The following TBC1D1 variants were observed in gnomAD, a reference collection of about 807,000 sequenced individuals.
TBC1D1 encodes TBC1 (tre-2/USP6, BUB2, cdc16) domain family, member 1.
A neutral mutation model predicts 125.6 loss-of-function variants in TBC1D1; 89 were observed. The ratio of observed to expected loss-of-function variants is 0.71; its 90% CI spans 0.60 to 0.85. TBC1D1 has a LOEUF of 0.85. TBC1D1 is among the 40% of genes least tolerant of loss of function. The probability of loss-of-function intolerance (pLI) is 0.00; values close to 1 mark genes in which losing one functional copy is unlikely to be tolerated. For missense variants in TBC1D1, 1,377 were observed against 1,469.2 expected (o/e 0.94, Z 1.03); for synonymous variants, 565 against 564.1 (o/e 1.00, Z -0.02).
At chr4:38,095,884 A>G (rs1180986125) in intron 13 of TBC1D1, 45 bp from the exon 16 acceptor site, 2 of 1,548,110 alleles carry the variant, frequency 1.3e-6, no homozygotes, top group Non-Finnish European at 1.7e-6. Flanking sequence ...TGGAAATTCC[A>G]TAGCTGTAGC....
chr4:37,902,635 G>T, intron 2 of TBC1D1, 123 bp downstream of exon 2: 1 of 792,694 alleles, frequency 1.3e-6, no homozygotes, highest in South Asian at 2.4e-5. Context: ...GTTATAAATT[G>T]ATTACTTAGC....
At chr4:38,093,942 A>G (rs1758885662) in intron 13 of TBC1D1, among the ~76,000 whole-genome samples, 1 of 152,220 alleles carries the variant, frequency 6.6e-6, no homozygotes, top group South Asian at 2.1e-4. Context: ...AGTTGAGCTA[A>G]TCCATGTAAC....
chr4:38,050,316 CAG>C (rs1317194065), intron 11 of TBC1D1, among the ~76,000 whole-genome samples: 1 of 152,178 alleles, frequency 6.6e-6, no homozygotes, highest in Non-Finnish European at 1.5e-5. Flanking sequence ...CATAGGGTGA[CAG>C]GGGTGCTTCA....
At chr4:38,126,842 C>G (rs1183428293) in intron 18 of TBC1D1, among the ~76,000 whole-genome samples, 15 of 152,162 alleles carry the variant, frequency 9.9e-5, no homozygotes, top group Non-Finnish European at 1.8e-4. Context: ...AAGTCCCTCC[C>G]ACCTCAAAGT....
At chr4:37,965,036 G>A (rs1028245256) in intron 2 of TBC1D1, among the ~76,000 whole-genome samples, 3 of 152,204 alleles carry the variant, frequency 2.0e-5, no homozygotes, top group African/African-American at 7.2e-5. Context: ...GGTGGTCTAC[G>A]CAGACACTGC....
At chr4:38,107,884 G>A (rs1335194610) in intron 15 of TBC1D1, among the ~76,000 whole-genome samples, 1 of 151,992 alleles carries the variant, frequency 6.6e-6, no homozygotes, top group Non-Finnish European at 1.5e-5. Flanking sequence ...TGTTGCTTCT[G>A]TGTTTCTTGG....
chr4:37,952,742 A>G (rs1333166661), intron 2 of TBC1D1: 2 of 152,486 alleles, frequency 1.3e-5, no homozygotes, highest in Admixed American at 6.5e-5. Flanking sequence ...ACATTTACCT[A>G]TGTAACAAAC....
intron 2 of TBC1D1, among the ~76,000 whole-genome samples, chr4:37,985,245 G>A (rs562012568): frequency 2.6e-5 from 4 of 152,108 alleles, no homozygotes; most frequent in Non-Finnish European, 4.4e-5. Context: ...GAGCCACCGC[G>A]CCCAGCCTAT....
rs777940925 is a variant in TBC1D1, at chr4:38,125,025, A to G, written c.3026A>G (p.His1009Arg). Reference sequence around the variant, plus strand: ...GTGGCTTTAAGTCTGTTGGGAAGCCATAAGCCCTTGATTCTGCAGCATGAA... The same window carrying G: ...GTGGCTTTAAGTCTGTTGGGAAGCCGTAAGCCCTTGATTCTGCAGCATGAA... The change falls in exon 18 of 20, where the codon CAT becomes CGT. Residue 1009 changes from histidine (H) to arginine (R), a missense_variant. Coordinates refer to ENST00000261439, the MANE Select transcript of TBC1D1 (RefSeq NM_015173.4). The G allele has an allele frequency of 2.5e-6, 4 of 1,614,062 alleles. No individual in the cohort carries two copies. Among genetic ancestry groups the G allele is most frequent in the Non-Finnish European group, 3.4e-6 (4 of 1,180,026 alleles).
chr4:38,136,952 G>T (rs1766729715), intron 19 of TBC1D1, among the ~76,000 whole-genome samples, 183 bp from the exon 22 acceptor site: 2 of 152,092 alleles, frequency 1.3e-5, no homozygotes, highest in African/African-American at 4.8e-5. Flanking sequence ...TAAGGGCCTG[G>T]CCACCGACCT....
At chr4:38,040,957 T>A (rs778931013) in intron 8 of TBC1D1, among the ~76,000 whole-genome samples, 1 of 152,226 alleles carries the variant, frequency 6.6e-6, no homozygotes, top group Non-Finnish European at 1.5e-5. Flanking sequence ...AAGCCAATAT[T>A]ACATGTCCAG....
intron 2 of TBC1D1, among the ~76,000 whole-genome samples, chr4:37,966,976 CT>C (rs751995766): frequency 1.3e-5 from 2 of 152,136 alleles, no homozygotes; most frequent in Non-Finnish European, 2.9e-5. Context: ...GCTTGGTGGA[CT>C]TTTTGTAGGA....
At chr4:38,061,352 T>G (rs957894680) in intron 12 of TBC1D1, among the ~76,000 whole-genome samples, 5 of 152,172 alleles carry the variant, frequency 3.3e-5, no homozygotes, top group African/African-American at 1.2e-4. Context: ...ATCTCCATAA[T>G]TTTCTCTCTG....
intron 2 of TBC1D1, chr4:37,960,860 T>C (rs767006821): frequency 4.3e-6 from 7 of 1,614,136 alleles, no homozygotes; most frequent in Non-Finnish European, 5.1e-6. Flanking sequence ...TCCCCTTGAG[T>C]GGAGTGCCTC....
At position 37,995,409 on chromosome 4, in the gene TBC1D1, T is replaced by G. The variant is rs1544867; in HGVS notation, c.418-19100T>G. On this transcript the variant is annotated intron_variant, in intron 2 of 19. Coordinates refer to ENST00000261439, the MANE Select transcript of TBC1D1 (RefSeq NM_015173.4). This position sits in a 1 kb window ranked among gnomAD's most constrained non-coding sequence, Gnocchi z 4.3. ...TTGCCACTCAGTTCTGTTTTTTAGG[T>G]ATCAAATGCTAGGATACAACCTGAG... 17,726 of 184,098 alleles carry G rather than the reference T, an allele frequency of 0.096. 1,818 individuals are homozygous for G. Among genetic ancestry groups the G allele is most frequent in the East Asian group, 0.53 (3,225 of 6,068 alleles). The allele number at this position is 184,098 out of a possible 1,614,324, so 11.4% of individuals were successfully genotyped here.
intron 15 of TBC1D1, among the ~76,000 whole-genome samples, chr4:38,107,975 C>G (rs909631084): frequency 1.3e-4 from 20 of 152,158 alleles, no homozygotes; most frequent in Admixed American, 5.9e-4. Flanking sequence ...ATCACACCAG[C>G]CAGAGGCAAC....
intron 11 of TBC1D1, 81 bp from the exon 13 acceptor site, chr4:38,053,025 C>A: frequency 9.4e-7 from 1 of 1,065,218 alleles, no homozygotes. Context: ...AAAAATGTTT[C>A]TTTTATTTTG....
intron 11 of TBC1D1, among the ~76,000 whole-genome samples, chr4:38,050,901 G>T (rs1459332280): frequency 2.0e-5 from 3 of 152,180 alleles, no homozygotes; most frequent in Non-Finnish European, 1.5e-5. Context: ...GAATTCAGCG[G>T]GGTAGTGGTG....
chr4:38,086,959 T>C lies in TBC1D1; in HGVS notation c.2051-2973T>C, dbSNP rs73134605. 8.0e-3 allele frequency among the ~76,000 whole-genome samples: 1,217 copies of C among 152,320 alleles called. 15 individuals carry two copies. Among genetic ancestry groups the C allele is most frequent in the African/African-American group, 0.027 (1,133 of 41,558 alleles). ...GGAGGAAAATACACCTTTTTTCTTA[T>C]TATGGCTCTGACCCTTACTAGCTGT... On this transcript the variant is annotated intron_variant, in intron 12 of 19. Transcript: ENST00000261439.
Sources: allele counts gnomAD v4.1 joint callset (sites outside exome capture counted in the v4.1 genomes callset), GRCh38; gene constraint gnomAD v4.1.1; non-coding constraint Gnocchi (gnomAD v3.1); transcripts MANE v1.5; gene names NCBI Gene and HGNC (gene_info 2026-07-23, HGNC 2026-07-21).